The following SLC38A9 variants were observed in gnomAD, a reference collection of about 807,000 sequenced individuals.
The protein encoded by SLC38A9 is neutral amino acid transporter 9.
In SLC38A9, 48 loss-of-function variants were observed where a neutral mutation model predicts 62.3. The observed-to-expected ratio is 0.77, with a 90% CI of 0.61 to 0.98. The LOEUF (loss-of-function observed/expected upper bound fraction) is 0.98, where lower values mean the gene tolerates loss of function less well. SLC38A9 is among the 50% of genes least tolerant of loss of function. The pLI is 0.00. For synonymous variants in SLC38A9, 204 were observed against 227.7 expected, an observed-to-expected ratio of 0.90 and a Z score of 0.94; for missense variants, 541 against 679.8, an observed-to-expected ratio of 0.80 and a Z score of 2.27.
intron 14 of SLC38A9, among the ~76,000 whole-genome samples, chr5:55,632,363 G>A (rs1204953670): frequency 6.6e-6 from 1 of 152,108 alleles, no homozygotes; most frequent in East Asian, 1.9e-4. Flanking sequence ...GCGTGAACCC[G>A]GGAGGTGGAG....
chr5:55,648,914 G>A (rs201835452), intron 11 of SLC38A9, among the ~76,000 whole-genome samples: 98 of 152,158 alleles, frequency 6.4e-4, no homozygotes, highest in African/African-American at 2.3e-3. Context: ...AAACCACAAT[G>A]TAATAGCACA....
chr5:55,667,600 T>C (rs141086991), intron 7 of SLC38A9, among the ~76,000 whole-genome samples: 5 of 152,302 alleles, frequency 3.3e-5, no homozygotes, highest in East Asian at 1.9e-4. Flanking sequence ...TTCTATATGA[T>C]AATGTTTTAC....
At chr5:55,678,475 T>C (rs538518040) in intron 3 of SLC38A9, among the ~76,000 whole-genome samples, 1 of 151,716 alleles carries the variant, frequency 6.6e-6, no homozygotes, top group African/African-American at 2.4e-5. Context: ...ATTAAATCAA[T>C]GAAAACACTA....
intron 3 of SLC38A9, chr5:55,692,972 TAAGA>T: frequency 4.1e-6 from 4 of 983,330 alleles, no homozygotes; most frequent in Non-Finnish European, 4.8e-6. Context: ...CCTCTAGTTT[TAAGA>T]AAGACTAAAA....
At chr5:55,677,957 T>TGTGTGTGTGTGTGTGTGTA (rs1752387793) in intron 3 of SLC38A9, among the ~76,000 whole-genome samples, 1 of 149,574 alleles carries the variant, frequency 6.7e-6, no homozygotes, top group Non-Finnish European at 1.5e-5. Context: ...TGTGTGTGTG[T>TGTGTGTGTGTGTGTGTGTA]GTGTGTAGTG....
chr5:55,645,957 C>A, intron 11 of SLC38A9, 62 bp from the exon 12 acceptor site: 2 of 998,932 alleles, frequency 2.0e-6, no homozygotes, highest in East Asian at 2.5e-5. Context: ...TATTGGTAGC[C>A]AAAAGTTGAC....
intron 9 of SLC38A9, among the ~76,000 whole-genome samples, chr5:55,656,151 T>A (rs1748385711): frequency 6.6e-6 from 1 of 151,552 alleles, no homozygotes; most frequent in African/African-American, 2.4e-5. Context: ...AATTGTGAAT[T>A]GTATAATATG....
At chr5:55,646,657 G>A (rs1193433885) in intron 11 of SLC38A9, among the ~76,000 whole-genome samples, 2 of 152,142 alleles carry the variant, frequency 1.3e-5, no homozygotes, top group Admixed American at 1.3e-4. Flanking sequence ...AGATACAGTT[G>A]TGCAGTGGTA....
chr5:55,641,634 CTTTG>C (rs894380300), intron 12 of SLC38A9, among the ~76,000 whole-genome samples: 6 of 152,178 alleles, frequency 3.9e-5, no homozygotes, highest in Admixed American at 6.5e-5. Context: ...CATTGTAGCA[CTTTG>C]TTTGACAATT....
At chr5:55,668,617 G>T (rs1053879166) in intron 7 of SLC38A9, among the ~76,000 whole-genome samples, 2 of 152,082 alleles carry the variant, frequency 1.3e-5, no homozygotes, top group African/African-American at 4.8e-5. Context: ...AGTAGGCACA[G>T]AAAAAAACTG....
intron 3 of SLC38A9, among the ~76,000 whole-genome samples, chr5:55,690,308 G>A (rs1423773382): frequency 6.6e-6 from 1 of 152,038 alleles, no homozygotes; most frequent in Admixed American, 6.6e-5. Context: ...TAGATTTAAG[G>A]CATCTCTGAC....
At chr5:55,708,680 T>C (rs1757611696) in intron 2 of SLC38A9, among the ~76,000 whole-genome samples, 2 of 152,244 alleles carry the variant, frequency 1.3e-5, no homozygotes, top group African/African-American at 4.8e-5. Context: ...GTGTATGTTA[T>C]AGAGTTTCAG....
At chr5:55,660,906 A>G (rs929109852) in intron 8 of SLC38A9, among the ~76,000 whole-genome samples, 7 of 152,162 alleles carry the variant, frequency 4.6e-5, no homozygotes, top group Admixed American at 3.9e-4. Flanking sequence ...CGGAATGTTG[A>G]TAACTGTTAA....
intron 11 of SLC38A9, among the ~76,000 whole-genome samples, chr5:55,646,290 G>A (rs7726079): frequency 0.55 from 83,056 of 151,976 alleles, 24,049 homozygotes; most frequent in South Asian, 0.66. Context: ...GGAATCGCTT[G>A]AACCTAGAAG....
intron 13 of SLC38A9, chr5:55,634,364 G>C (rs1744005604): frequency 6.5e-6 from 1 of 152,788 alleles, no homozygotes; most frequent in Non-Finnish European, 1.5e-5. Context: ...AAAGATGACA[G>C]AATAAGGTGA....
At chr5:55,671,764 C>CT (rs199637558) in intron 4 of SLC38A9, among the ~76,000 whole-genome samples, 1,581 of 152,220 alleles carry the variant, frequency 0.01, 100 homozygotes, top group Admixed American at 0.084. Context: ...AGGAGAATGG[C>CT]TGGAACCCAG....
chr5:55,652,451 C>G, intron 10 of SLC38A9, 78 bp downstream of exon 10: 1 of 791,336 alleles, frequency 1.3e-6, no homozygotes, highest in East Asian at 2.9e-5. Context: ...AGGTAACTCC[C>G]CAATCAGACC....
At chr5:55,703,941 G>C (rs897453683) in intron 2 of SLC38A9, 2 of 152,160 alleles carry the variant, frequency 1.3e-5, no homozygotes, top group Non-Finnish European at 2.9e-5. Flanking sequence ...TTTGAGGCCA[G>C]GAGATTCAGA....
chr5:55,699,196 A>C (rs1756321756), intron 2 of SLC38A9, among the ~76,000 whole-genome samples: 1 of 152,228 alleles, frequency 6.6e-6, no homozygotes, highest in African/African-American at 2.4e-5. Flanking sequence ...TGGAGGCTGC[A>C]GTGAGCCAAG....
Sources: allele counts gnomAD v4.1 joint callset (sites outside exome capture counted in the v4.1 genomes callset), GRCh38; gene constraint gnomAD v4.1.1; transcripts MANE v1.5; gene names NCBI Gene and HGNC (gene_info 2026-07-23, HGNC 2026-07-21).